Variants in ADGRL3 observed in about 807,000 individuals in gnomAD.
ADGRL3 encodes adhesion G protein-coupled receptor L3.
A neutral mutation model predicts 153.5 loss-of-function variants in ADGRL3; 62 were observed. That is an observed-to-expected ratio of 0.40 (90% CI 0.33 to 0.50). The LOEUF (loss-of-function observed/expected upper bound fraction) is 0.50, where lower values mean the gene tolerates loss of function less well. ADGRL3 is among the 20% of genes least tolerant of loss of function. ADGRL3 has a pLI of 0.47. For synonymous variants in ADGRL3, 710 were observed against 672.5 expected, an observed-to-expected ratio of 1.06 and a Z score of -0.86; for missense variants, 1,641 against 1,859.4, an observed-to-expected ratio of 0.88 and a Z score of 2.16.
intron 9 of ADGRL3, among the ~76,000 whole-genome samples, chr4:61,841,467 C>T (rs2098031639): frequency 6.6e-6 from 1 of 152,120 alleles, no homozygotes; most frequent in Non-Finnish European, 1.5e-5. Context: ...ATCAACCGCT[C>T]ATTGTAATTG....
chr4:61,237,313 T>C (rs774196583), intron 1 of ADGRL3, among the ~76,000 whole-genome samples: 2 of 152,162 alleles, frequency 1.3e-5, no homozygotes, highest in Non-Finnish European at 2.9e-5. Context: ...TAAGTGACAA[T>C]TTTTAGTGTT....
intron 1 of ADGRL3, among the ~76,000 whole-genome samples, chr4:61,285,537 C>T (rs145087535): frequency 1.5e-4 from 23 of 151,766 alleles, no homozygotes; most frequent in African/African-American, 5.3e-4. Flanking sequence ...GGTTAGTATC[C>T]TCAAAGCTGT....
rs74366835 is a variant in ADGRL3 at position 61,963,366 on chromosome 4, T to C, written c.2805+15090T>C. Among the ~76,000 whole-genome samples, 22 of 152,146 alleles carry C rather than the reference T, an allele frequency of 1.4e-4. No individual in the cohort carries two copies. In the East Asian group the frequency reaches 4.1e-3, roughly 28 times the overall value. On this transcript the variant is annotated intron_variant, in intron 17 of 26. Transcript: ENST00000683033. ...TGGGCAGATAATTTTGTCATCCAGA[T>C]AATCAACAGAGTACCTGATAGGTAG...
intron 21 of ADGRL3, among the ~76,000 whole-genome samples, chr4:62,008,232 G>C (rs1035199886): frequency 6.6e-6 from 1 of 152,112 alleles, no homozygotes; most frequent in African/African-American, 2.4e-5. Context: ...GGAGGTTGTT[G>C]TTGTTGATAA....
intron 5 of ADGRL3, among the ~76,000 whole-genome samples, chr4:61,666,093 T>C (rs1220526623): frequency 6.6e-6 from 1 of 152,232 alleles, no homozygotes; most frequent in Non-Finnish European, 1.5e-5. Flanking sequence ...CCCTCTGTTG[T>C]GTATTCCTGT....
intron 1 of ADGRL3, among the ~76,000 whole-genome samples, chr4:61,334,363 A>G (rs1276779425): frequency 1.3e-5 from 2 of 152,168 alleles, no homozygotes; most frequent in Non-Finnish European, 2.9e-5. Context: ...CATCTGGTGA[A>G]CCCTAGAAAT....
intron 15 of ADGRL3, among the ~76,000 whole-genome samples, chr4:61,938,914 G>C (rs928653634): frequency 1.5e-5 from 2 of 137,232 alleles, no homozygotes; most frequent in African/African-American, 5.4e-5. Flanking sequence ...CTCCCCGCCT[G>C]ACTCAATTTT....
intron 9 of ADGRL3, among the ~76,000 whole-genome samples, chr4:61,883,199 T>C (rs1201157187): frequency 6.6e-6 from 1 of 152,188 alleles, no homozygotes; most frequent in Non-Finnish European, 1.5e-5. Context: ...TTCTTCTTCT[T>C]ATCCTTAGCA....
chr4:61,297,598 A>T (rs998481044), intron 1 of ADGRL3, among the ~76,000 whole-genome samples: 4 of 151,872 alleles, frequency 2.6e-5, no homozygotes, highest in African/African-American at 9.7e-5. Flanking sequence ...GAGTCATATG[A>T]CTTTAATTGA....
At chr4:61,955,336 T>G (rs2150394032) in intron 17 of ADGRL3, among the ~76,000 whole-genome samples, 1 of 152,260 alleles carries the variant, frequency 6.6e-6, no homozygotes, top group Admixed American at 6.5e-5. Context: ...CTTCAAACTT[T>G]AGAACATAAT....
intron 9 of ADGRL3, among the ~76,000 whole-genome samples, chr4:61,886,791 A>G (rs1581304087): frequency 6.7e-6 from 1 of 150,030 alleles, no homozygotes; most frequent in African/African-American, 2.4e-5. Context: ...ACAGGCGCCC[A>G]CCATCATGCC....
chr4:61,949,496 G>C (rs780308193), intron 17 of ADGRL3, among the ~76,000 whole-genome samples: 16 of 152,030 alleles, frequency 1.1e-4, no homozygotes, highest in Non-Finnish European at 1.8e-4. Context: ...TCAGGAGTTA[G>C]AGACCAGACT....
intron 9 of ADGRL3, among the ~76,000 whole-genome samples, chr4:61,818,621 G>A (rs986158190): frequency 6.6e-6 from 1 of 152,190 alleles, no homozygotes; most frequent in African/African-American, 2.4e-5. Flanking sequence ...TTTGACAGGA[G>A]ATTTGGGCAA....
rs1175547828 is a variant in ADGRL3, at chr4:61,675,245, G to A, written c.474-1581G>A. The stretch of plus-strand genomic sequence containing the variant: ...TTGCCACTATCCTTGCAAGTATTCT[G>A]AGGTCACATCAGAGAACAGAACATC... On this transcript the variant is annotated intron_variant, in intron 5 of 26. Coordinates refer to ENST00000683033, the MANE Select transcript of ADGRL3 (RefSeq NM_001387552.1). 5.3e-5 allele frequency among the ~76,000 whole-genome samples: 8 copies of A among 151,884 alleles called. No homozygotes were observed. In the Admixed American group the frequency reaches 5.3e-4, roughly 10 times the overall value.
chr4:61,783,565 C>T (rs2097240943), intron 8 of ADGRL3, among the ~76,000 whole-genome samples: 1 of 151,970 alleles, frequency 6.6e-6, no homozygotes, highest in Non-Finnish European at 1.5e-5. Context: ...TATGACCACA[C>T]TCAAAATTAT....
At chr4:61,394,555 A>G (rs527435615) in intron 2 of ADGRL3, among the ~76,000 whole-genome samples, 81 of 152,172 alleles carry the variant, frequency 5.3e-4, no homozygotes, top group South Asian at 3.9e-3. Context: ...TCTTTAAAAC[A>G]TTACAAATTT....
intron 4 of ADGRL3, among the ~76,000 whole-genome samples, chr4:61,523,386 G>A (rs2098542180): frequency 6.6e-6 from 1 of 152,114 alleles, no homozygotes. Flanking sequence ...TTAGAGTGCT[G>A]TGTTAGCTGC....
At chr4:61,571,001 G>A (rs893584366) in intron 4 of ADGRL3, among the ~76,000 whole-genome samples, 1 of 152,042 alleles carries the variant, frequency 6.6e-6, no homozygotes, top group African/African-American at 2.4e-5. Flanking sequence ...ATGGGGGGTT[G>A]CTCAAATGGC....
At chr4:61,242,397 C>T (rs1000396902) in intron 1 of ADGRL3, among the ~76,000 whole-genome samples, 5 of 152,114 alleles carry the variant, frequency 3.3e-5, no homozygotes, top group Admixed American at 6.6e-5. Flanking sequence ...TCAAACACAT[C>T]GGAGTGTGAA....
Sources: gnomAD v4.1 joint callset for allele counts (sites outside exome capture counted in the v4.1 genomes callset) on GRCh38, gnomAD v4.1.1 for gene constraint, MANE v1.5 for transcripts, NCBI Gene and HGNC (gene_info 2026-07-23, HGNC 2026-07-21) for gene names.